Variants in POMP observed in about 807,000 individuals in gnomAD.
POMP encodes 2510048O06Rik.
In POMP, 12 loss-of-function variants were observed where a neutral mutation model predicts 20.6. The observed-to-expected ratio is 0.58, with a 90% CI of 0.37 to 0.94. The LOEUF is 0.94. Ranked by LOEUF, POMP falls within the 40% of genes least tolerant of loss-of-function variation. POMP has a pLI of 0.01. For missense variants in POMP, 136 were observed against 161.1 expected (o/e 0.84, Z 0.84); for synonymous variants, 53 against 55.0 (o/e 0.96, Z 0.16).
At chr13:28,677,892 C>T in intron 5 of POMP, 143 bp from the exon 6 acceptor site, 1 of 800,300 alleles carries the variant, frequency 1.2e-6, no homozygotes, top group South Asian at 1.4e-5. Flanking sequence ...TCAGTCACCC[C>T]ACCCCAGCCC....
intron 5 of POMP, among the ~76,000 whole-genome samples, chr13:28,672,933 TG>T (rs1884574472): frequency 6.6e-6 from 1 of 152,176 alleles, no homozygotes; most frequent in Non-Finnish European, 1.5e-5. Context: ...GTGTTGTTTT[TG>T]TGTGTTTAGT....
chr13:28,675,145 T>A (rs995958270), intron 5 of POMP, among the ~76,000 whole-genome samples: 1 of 151,934 alleles, frequency 6.6e-6, no homozygotes, highest in Non-Finnish European at 1.5e-5. Flanking sequence ...TTAGGTAGAT[T>A]TTTTTTGTTT....
At position 28,668,551 on chromosome 13, in the gene POMP, A is replaced by G; in HGVS notation, c.241A>G (p.Met81Val). 1 of 1,610,258 alleles carries G rather than the reference A, an allele frequency of 6.2e-7. No homozygotes were observed. The highest frequency in any genetic ancestry group is 1.1e-5 in the South Asian group (1 of 90,986). ...TCTATTTGCTCCGCTAAAATTACAGATGGAATTCAAGGCAGTGCAGCAGGT... is the reference window on the plus strand; with the variant it reads ...TCTATTTGCTCCGCTAAAATTACAGGTGGAATTCAAGGCAGTGCAGCAGGT... ...QGLFAPLKLQMEFKAVQQVQR... is the reference protein window; with the variant it reads ...QGLFAPLKLQVEFKAVQQVQR... The change falls in exon 4 of 6, where the codon ATG becomes GTG. Residue 81 changes from methionine (M) to valine (V), a missense_variant. By Grantham distance (21) the Met-to-Val change is conservative. Coordinates refer to ENST00000380842, the MANE Select transcript of POMP (RefSeq NM_015932.6).
intron 4 of POMP, 22 bp from the exon 5 acceptor site, chr13:28,672,317 C>T (rs1884562751): frequency 1.3e-6 from 2 of 1,522,672 alleles, no homozygotes; most frequent in East Asian, 2.3e-5. Context: ...CTAATCTTGT[C>T]CCTTCATACT....
Position 28,668,508 on chromosome 13 carries a change from A to C in POMP, c.198A>C (p.Thr66=), listed in dbSNP as rs779280766. The change falls in exon 4 of 6, where the codon ACA becomes ACC. Residue 66 remains threonine (T), a synonymous_variant. Transcript: ENST00000380842. ...QLNQDKMNFS[T]LRNIQGLFAP... ...ACCAAGATAAAATGAATTTTTCCAC[A>C]CTGAGAAACATTCAGGGTCTATTTG... is the stretch of plus-strand genomic sequence containing the variant. 1.2e-6 allele frequency: 2 copies of C among 1,612,540 alleles called. No homozygotes were observed. The highest frequency in any genetic ancestry group is 2.2e-5 in the South Asian group (2 of 91,056).
intron 5 of POMP, among the ~76,000 whole-genome samples, chr13:28,673,317 C>G (rs141431039): frequency 6.6e-6 from 1 of 152,150 alleles, no homozygotes; most frequent in Non-Finnish European, 1.5e-5. Flanking sequence ...GATCTGCCCG[C>G]CTCGGCCTCC....
chr13:28,659,517 C>T (rs1884296763), intron 1 of POMP, among the ~76,000 whole-genome samples: 1 of 152,152 alleles, frequency 6.6e-6, no homozygotes, highest in Non-Finnish European at 1.5e-5. Flanking sequence ...CGTGAAAGTG[C>T]AACGTTCTGT....
At chr13:28,671,558 A>G (rs1381200488) in intron 4 of POMP, among the ~76,000 whole-genome samples, 2 of 150,316 alleles carry the variant, frequency 1.3e-5, no homozygotes, top group Non-Finnish European at 2.9e-5. Context: ...CTGTACTCTG[A>G]TCTAACTACC....
chr13:28,663,814 T>A (rs567849616), intron 2 of POMP, among the ~76,000 whole-genome samples: 3 of 151,006 alleles, frequency 2.0e-5, no homozygotes, highest in South Asian at 2.1e-4. Flanking sequence ...CCACATGAAA[T>A]GTTCCTTCTT....
At chr13:28,677,749 T>C (rs1427820945) in intron 5 of POMP, among the ~76,000 whole-genome samples, 1 of 152,234 alleles carries the variant, frequency 6.6e-6, no homozygotes, top group Non-Finnish European at 1.5e-5. Context: ...TGAGATATTA[T>C]TGACATACAA....
chr13:28,665,711 A>G (rs976307015), intron 3 of POMP, among the ~76,000 whole-genome samples: 2 of 152,258 alleles, frequency 1.3e-5, no homozygotes, highest in Admixed American at 6.5e-5. Flanking sequence ...AGTGATCATC[A>G]GCATCTGAAT....
intron 3 of POMP, among the ~76,000 whole-genome samples, chr13:28,665,048 G>T (rs183226066): frequency 2.6e-5 from 4 of 152,088 alleles, no homozygotes; most frequent in East Asian, 1.9e-4. Flanking sequence ...GTAGGAGAAG[G>T]CTTCGTAAAA....
intron 1 of POMP, among the ~76,000 whole-genome samples, chr13:28,660,782 G>C (rs1002491011): frequency 6.6e-6 from 1 of 152,198 alleles, no homozygotes; most frequent in African/African-American, 2.4e-5. Flanking sequence ...AGGCTAAGGA[G>C]TCTGAACTTT....
At chr13:28,677,784 A>G (rs76279127) in intron 5 of POMP, among the ~76,000 whole-genome samples, 3,753 of 152,284 alleles carry the variant, frequency 0.025, 151 homozygotes, top group African/African-American at 0.085. Flanking sequence ...TTTTAAGTGT[A>G]CAGTTCTGTG....
chr13:28,668,388 C>A, intron 3 of POMP, 85 bp from the exon 4 acceptor site: 2 of 929,984 alleles, frequency 2.2e-6, no homozygotes, highest in Non-Finnish European at 3.5e-6. Flanking sequence ...CTTCATCTAA[C>A]TATTGTGTTA....
intron 1 of POMP, among the ~76,000 whole-genome samples, chr13:28,661,175 G>A (rs1028461498): frequency 6.6e-6 from 1 of 152,136 alleles, no homozygotes; most frequent in Non-Finnish European, 1.5e-5. Context: ...TAAAGTTAGC[G>A]TCTTGGGCCG....
At chr13:28,668,257 T>C (rs1269846440) in intron 3 of POMP, among the ~76,000 whole-genome samples, 1 of 152,178 alleles carries the variant, frequency 6.6e-6, no homozygotes, top group Non-Finnish European at 1.5e-5. Flanking sequence ...TTGGTAGTAA[T>C]TTTACTCTGG....
intron 5 of POMP, among the ~76,000 whole-genome samples, chr13:28,675,171 A>C (rs140478367): frequency 0.04 from 6,044 of 150,098 alleles, 434 homozygotes; most frequent in African/African-American, 0.14. Flanking sequence ...ACACGAGTCT[A>C]GCTCTGTCAC....
chr13:28,663,054 T>C (rs539288280), intron 2 of POMP, among the ~76,000 whole-genome samples: 243 of 152,326 alleles, frequency 1.6e-3, no homozygotes, highest in Non-Finnish European at 2.9e-3. Flanking sequence ...AAATGGTACC[T>C]GACATTAGAA....
Sources: allele counts gnomAD v4.1 joint callset (sites outside exome capture counted in the v4.1 genomes callset), GRCh38; gene constraint gnomAD v4.1.1; transcripts MANE v1.5; gene names NCBI Gene and HGNC (gene_info 2026-07-23, HGNC 2026-07-21).